NRG3: variants seen among roughly 807,000 people sequenced by gnomAD.
NRG3 encodes the protein neuregulin 3, also known as pro-neuregulin-3, membrane-bound isoform.
NRG3 carries 31 observed loss-of-function variants against 66.9 expected under a neutral mutation model. That is an observed-to-expected ratio of 0.46 (90% CI 0.35 to 0.63). The LOEUF (loss-of-function observed/expected upper bound fraction) is 0.63, where lower values mean the gene tolerates loss of function less well. Ranked by LOEUF, NRG3 falls within the 20% of genes least tolerant of loss-of-function variation. The probability of loss-of-function intolerance (pLI) is 0.00; values close to 1 mark genes in which losing one functional copy is unlikely to be tolerated. For synonymous variants in NRG3, 393 were observed against 359.4 expected (o/e 1.09, Z -1.06); for missense variants, 910 against 878.9 (o/e 1.04, Z -0.45).
At chr10:82,153,667 T>G (rs989023245) in intron 1 of NRG3, among the ~76,000 whole-genome samples, 2 of 152,200 alleles carry the variant, frequency 1.3e-5, no homozygotes, top group African/African-American at 4.8e-5. Flanking sequence ...TACACTAATT[T>G]ACATTTCTAT....
At chr10:82,000,145 A>T (rs1430474521) in intron 1 of NRG3, among the ~76,000 whole-genome samples, 1 of 152,204 alleles carries the variant, frequency 6.6e-6, no homozygotes, top group Non-Finnish European at 1.5e-5. Flanking sequence ...ATTATTCATA[A>T]TTACCCTTTG....
At position 82,861,272 on chromosome 10, in the gene NRG3, C is replaced by T. The variant is rs548272102; in HGVS notation, c.1028-4139C>T. On this transcript the variant is annotated intron_variant, in intron 3 of 8. Coordinates refer to ENST00000372141, the MANE Select transcript of NRG3 (RefSeq NM_001010848.4). ...AGTGGTGTCAGTTGCCATGAATAAGCTATTATAAAAAATTAATAAATAATT... is the reference window on the plus strand; with the variant it reads ...AGTGGTGTCAGTTGCCATGAATAAGTTATTATAAAAAATTAATAAATAATT... 1.6e-4 allele frequency among the ~76,000 whole-genome samples: 24 copies of T among 149,422 alleles called. No homozygotes were observed. In the South Asian group the frequency reaches 4.9e-3, roughly 30 times the overall value.
At chr10:82,031,503 A>G (rs550911778) in intron 1 of NRG3, among the ~76,000 whole-genome samples, 35 of 152,272 alleles carry the variant, frequency 2.3e-4, no homozygotes, top group Admixed American at 2.3e-3. Context: ...ATAGAAATCA[A>G]TTTCACTGTA....
intron 2 of NRG3, among the ~76,000 whole-genome samples, chr10:82,456,538 C>T (rs904639694): frequency 5.3e-5 from 8 of 152,054 alleles, no homozygotes; most frequent in Non-Finnish European, 8.8e-5. Flanking sequence ...ATCAATGCAT[C>T]ACTAGGTAAT....
chr10:81,892,146 C>CA (rs1843065674), intron 1 of NRG3, among the ~76,000 whole-genome samples: 1 of 152,042 alleles, frequency 6.6e-6, no homozygotes, highest in African/African-American at 2.4e-5. Context: ...AAAAGAATTC[C>CA]ATCCCCTTCT....
chr10:82,274,313 A>T (rs1167599540), intron 1 of NRG3, among the ~76,000 whole-genome samples: 1 of 152,074 alleles, frequency 6.6e-6, no homozygotes, highest in Non-Finnish European at 1.5e-5. Context: ...AACTTCACTG[A>T]AAATTCAAGA....
intron 1 of NRG3, among the ~76,000 whole-genome samples, chr10:82,079,014 A>G (rs1329181370): frequency 6.6e-6 from 1 of 152,160 alleles, no homozygotes; most frequent in Admixed American, 6.5e-5. Flanking sequence ...TGTGTTGATA[A>G]AACGTGTTGT....
intron 1 of NRG3, among the ~76,000 whole-genome samples, chr10:82,256,072 C>T (rs1932633): frequency 0.33 from 50,265 of 151,744 alleles, 8,819 homozygotes; most frequent in East Asian, 0.5. Flanking sequence ...TATAGGCACA[C>T]GCCACTGTGC....
intron 2 of NRG3, among the ~76,000 whole-genome samples, chr10:82,373,757 CA>C (rs1219933428): frequency 6.6e-6 from 1 of 152,178 alleles, no homozygotes; most frequent in Non-Finnish European, 1.5e-5. Context: ...TAGTCACAAT[CA>C]AAATCACATG....
chr10:82,973,151 A>T (rs1479021555), intron 6 of NRG3, among the ~76,000 whole-genome samples: 1 of 152,158 alleles, frequency 6.6e-6, no homozygotes, highest in Non-Finnish European at 1.5e-5. Flanking sequence ...CTTTTGGGGT[A>T]AAATTTTTCT....
At chr10:82,137,459 A>G (rs2069455642) in intron 1 of NRG3, among the ~76,000 whole-genome samples, 1 of 152,180 alleles carries the variant, frequency 6.6e-6, no homozygotes, top group Non-Finnish European at 1.5e-5. Flanking sequence ...CATTTCCTAT[A>G]TTTAAGCCAC....
chr10:82,637,442 C>A (rs1590968435), intron 2 of NRG3, among the ~76,000 whole-genome samples: 1 of 152,064 alleles, frequency 6.6e-6, no homozygotes, highest in Admixed American at 6.6e-5. Context: ...CAACAGGAAA[C>A]AGTGAATCTA....
chr10:82,849,497 A>G (rs1309909268), intron 3 of NRG3, among the ~76,000 whole-genome samples: 2 of 152,182 alleles, frequency 1.3e-5, no homozygotes, highest in African/African-American at 4.8e-5. Context: ...AGGAAATAGA[A>G]AATTACCAGA....
At chr10:82,446,136 A>C (rs990815546) in intron 2 of NRG3, among the ~76,000 whole-genome samples, 1 of 152,192 alleles carries the variant, frequency 6.6e-6, no homozygotes, top group Non-Finnish European at 1.5e-5. Flanking sequence ...AACTCCCTTC[A>C]CATTTCAGGC....
chr10:82,132,492 G>C (rs754902564), intron 1 of NRG3, among the ~76,000 whole-genome samples: 23,132 of 34,806 alleles, frequency 0.66, 6,687 homozygotes, highest in Middle Eastern at 0.72. Context: ...ATATATATAT[G>C]ATATATATAT....
At chr10:82,350,576 A>T (rs1421282335) in intron 1 of NRG3, among the ~76,000 whole-genome samples, 1 of 152,246 alleles carries the variant, frequency 6.6e-6, no homozygotes, top group Non-Finnish European at 1.5e-5. Context: ...GTATGTGCTT[A>T]CATTTCACAT....
intron 4 of NRG3, among the ~76,000 whole-genome samples, chr10:82,911,677 C>G (rs1030065773): frequency 6.6e-6 from 1 of 151,278 alleles, no homozygotes; most frequent in Non-Finnish European, 1.5e-5. Flanking sequence ...TTCTATTTAT[C>G]TTTTCAAAGA....
chr10:82,966,238 T>C (rs2132512771), intron 6 of NRG3, among the ~76,000 whole-genome samples: 1 of 152,336 alleles, frequency 6.6e-6, no homozygotes, highest in Non-Finnish European at 1.5e-5. Context: ...GCCTGTGTTC[T>C]AATCCCAGGT....
At chr10:82,303,451 C>G (rs1485868949) in intron 1 of NRG3, among the ~76,000 whole-genome samples, 2 of 152,128 alleles carry the variant, frequency 1.3e-5, no homozygotes, top group Admixed American at 1.3e-4. Flanking sequence ...GTTCTTATAT[C>G]ATTCCTTGAA....
Sources: gnomAD v4.1 joint callset for allele counts (sites outside exome capture counted in the v4.1 genomes callset) on GRCh38, gnomAD v4.1.1 for gene constraint, MANE v1.5 for transcripts, NCBI Gene and HGNC (gene_info 2026-07-23, HGNC 2026-07-21) for gene names.